CAMKMT: variants seen among roughly 807,000 people sequenced by gnomAD.
CAMKMT encodes the protein CaM KMT.
CAMKMT carries 53 observed loss-of-function variants against 48.0 expected under a neutral mutation model. That is an observed-to-expected ratio of 1.10 (90% CI 0.89 to 1.39). The LOEUF is 1.39. CAMKMT is among the 40% of genes most tolerant of loss of function. CAMKMT has a pLI of 0.00. For synonymous variants in CAMKMT, 165 were observed against 152.3 expected (o/e 1.08, Z -0.61); for missense variants, 428 against 402.7 (o/e 1.06, Z -0.54).
intron 3 of CAMKMT, among the ~76,000 whole-genome samples, chr2:44,594,458 A>G (rs1670524260): frequency 6.6e-6 from 1 of 152,230 alleles, no homozygotes; most frequent in African/African-American, 2.4e-5. Context: ...TGGTACCAAA[A>G]CAGATATATA....
intron 2 of CAMKMT, among the ~76,000 whole-genome samples, chr2:44,383,573 G>T (rs1358462205): frequency 6.6e-6 from 1 of 151,934 alleles, no homozygotes. Context: ...TGAGATTTTG[G>T]TTCACCCATC....
chr2:44,592,589 T>G (rs1299934036), intron 3 of CAMKMT, among the ~76,000 whole-genome samples: 1 of 152,220 alleles, frequency 6.6e-6, no homozygotes, highest in Non-Finnish European at 1.5e-5. Context: ...ATAATTGTTC[T>G]GTTTTATTAT....
chr2:44,733,939 G>T (rs1679217915), intron 7 of CAMKMT, among the ~76,000 whole-genome samples: 1 of 152,058 alleles, frequency 6.6e-6, no homozygotes, highest in South Asian at 2.1e-4. Flanking sequence ...TGATATTGGT[G>T]ATTTATATCT....
chr2:44,424,267 C>T (rs559202321), intron 3 of CAMKMT, among the ~76,000 whole-genome samples: 82 of 151,990 alleles, frequency 5.4e-4, no homozygotes, highest in African/African-American at 1.9e-3. Flanking sequence ...CTCTTGGACA[C>T]CGGTTTTAGG....
intron 3 of CAMKMT, among the ~76,000 whole-genome samples, chr2:44,465,578 A>AAAG (rs1315604030): frequency 6.6e-6 from 1 of 151,922 alleles, no homozygotes; most frequent in Non-Finnish European, 1.5e-5. Flanking sequence ...CAAAAAAAAA[A>AAAG]AAAAAATCAA....
intron 3 of CAMKMT, among the ~76,000 whole-genome samples, chr2:44,429,610 G>A (rs1174589237): frequency 6.6e-6 from 1 of 151,896 alleles, no homozygotes; most frequent in Non-Finnish European, 1.5e-5. Context: ...GACCATCCTG[G>A]CTAACAAGGT....
chr2:44,575,199 C>G (rs1461462847), intron 3 of CAMKMT, among the ~76,000 whole-genome samples: 3 of 152,088 alleles, frequency 2.0e-5, no homozygotes, highest in Non-Finnish European at 2.9e-5. Flanking sequence ...CTGCCTCGGT[C>G]TCCTGAGTAG....
At chr2:44,403,074 A>G (rs1682541387) in intron 3 of CAMKMT, among the ~76,000 whole-genome samples, 1 of 152,078 alleles carries the variant, frequency 6.6e-6, no homozygotes, top group Admixed American at 6.6e-5. Flanking sequence ...ATTGGAAGGG[A>G]CACTGATATT....
chr2:44,507,403 T>G (rs1670316432), intron 3 of CAMKMT, among the ~76,000 whole-genome samples: 1 of 152,208 alleles, frequency 6.6e-6, no homozygotes, highest in Non-Finnish European at 1.5e-5. Context: ...GTGTGCATCA[T>G]GGAACACATC....
intron 3 of CAMKMT, among the ~76,000 whole-genome samples, chr2:44,620,896 A>T (rs1303240131): frequency 1.3e-5 from 2 of 152,208 alleles, no homozygotes; most frequent in Non-Finnish European, 2.9e-5. Context: ...TCTCATCTGT[A>T]AAATTATAGT....
intron 7 of CAMKMT, among the ~76,000 whole-genome samples, chr2:44,741,006 G>A (rs764857766): frequency 1.1e-4 from 16 of 152,142 alleles, no homozygotes; most frequent in Admixed American, 3.3e-4. Flanking sequence ...CAATGAGTAG[G>A]CCATGGACTG....
chr2:44,631,140 C>T (rs949288065), intron 3 of CAMKMT, among the ~76,000 whole-genome samples: 30 of 152,038 alleles, frequency 2.0e-4, no homozygotes, highest in Non-Finnish European at 3.8e-4. Context: ...AGTAAACTAT[C>T]GCAAGAACAA....
intron 3 of CAMKMT, among the ~76,000 whole-genome samples, chr2:44,410,734 A>G (rs1683147026): frequency 6.6e-6 from 1 of 152,184 alleles, no homozygotes; most frequent in African/African-American, 2.4e-5. Context: ...TTAACAAGTG[A>G]AGGATTGCTG....
At chr2:44,642,340 G>A (rs1673493053) in intron 3 of CAMKMT, among the ~76,000 whole-genome samples, 1 of 152,196 alleles carries the variant, frequency 6.6e-6, no homozygotes, top group African/African-American at 2.4e-5. Flanking sequence ...TCATCTGGTA[G>A]AAAGAAATAA....
At chr2:44,720,247 A>T (rs922274109) in intron 7 of CAMKMT, among the ~76,000 whole-genome samples, 1 of 152,208 alleles carries the variant, frequency 6.6e-6, no homozygotes, top group African/African-American at 2.4e-5. Flanking sequence ...AACTACAGTC[A>T]ATTAAAAATT....
At chr2:44,533,681 G>T (rs1666608484) in intron 3 of CAMKMT, among the ~76,000 whole-genome samples, 1 of 152,178 alleles carries the variant, frequency 6.6e-6, no homozygotes, top group African/African-American at 2.4e-5. Context: ...GAAGTGAAAG[G>T]TTATCTACCA....
In CAMKMT at chr2:44,556,771, CT is replaced by C. The variant is rs1007108119; in HGVS notation, c.377-147500del. ...GGCGTGAGCCACCGCGCCCGGCCCT[CT>C]TTTTTTTTTTTAAAGGATTAATCCG... On this transcript the variant is annotated intron_variant, in intron 3 of 10. Coordinates refer to ENST00000378494, the MANE Select transcript of CAMKMT (RefSeq NM_024766.5). 3.0e-4 allele frequency among the ~76,000 whole-genome samples: 37 copies of C among 123,444 alleles called. 1 individual carries two copies. The highest frequency in any genetic ancestry group is 4.7e-4 in the Non-Finnish European group (27 of 56,856). 81.0% of individuals were successfully genotyped at this position (123,444 alleles called of 152,430 possible). A position where few individuals can be genotyped will look rare whatever the true frequency, so the allele number is the denominator to read the frequency against.
intron 2 of CAMKMT, 39 bp downstream of exon 2, chr2:44,372,927 T>C: frequency 2.6e-6 from 4 of 1,517,986 alleles, no homozygotes; most frequent in Admixed American, 2.0e-5. Flanking sequence ...AAACACTAGA[T>C]TTCTCTTGGA....
chr2:44,464,147 T>TA (rs1667992146), intron 3 of CAMKMT, among the ~76,000 whole-genome samples: 1 of 151,834 alleles, frequency 6.6e-6, no homozygotes, highest in African/African-American at 2.4e-5. Flanking sequence ...ATAGAAACTA[T>TA]AAAAAAGAAC....
Sources: gnomAD v4.1 joint callset for allele counts (sites outside exome capture counted in the v4.1 genomes callset) on GRCh38, gnomAD v4.1.1 for gene constraint, MANE v1.5 for transcripts, NCBI Gene and HGNC (gene_info 2026-07-23, HGNC 2026-07-21) for gene names.